OR51B5: variants seen among roughly 807,000 people sequenced by gnomAD.
OR51B5 encodes olfactory receptor family 51 subfamily B member 5, also known as olfactory receptor 51B5.
For synonymous variants in OR51B5, 186 were observed against 144.8 expected (o/e 1.28, Z -2.04); for missense variants, 456 against 374.6 (o/e 1.22, Z -1.79).
intron 1 of OR51B5, among the ~76,000 whole-genome samples, chr11:5,479,239 G>C (rs1281851836): frequency 6.7e-6 from 1 of 148,962 alleles, no homozygotes. Flanking sequence ...TTTCAACCCA[G>C]AATTTCATAT....
upstream of OR51B5, among the ~76,000 whole-genome samples, chr11:5,347,514 C>T (rs544288754): frequency 1.3e-5 from 2 of 151,682 alleles, no homozygotes; most frequent in Admixed American, 1.3e-4. Flanking sequence ...CAGCCAAGCA[C>T]ACCACATCAC....
chr11:5,416,452 A>G (rs1227961841), intron 1 of OR51B5, among the ~76,000 whole-genome samples: 1 of 152,166 alleles, frequency 6.6e-6, no homozygotes, highest in East Asian at 1.9e-4. Context: ...AAAGGAAATA[A>G]AGAGTATTCA....
intron 1 of OR51B5, among the ~76,000 whole-genome samples, chr11:5,366,317 TAAAGA>T (rs1849366819): frequency 6.6e-6 from 1 of 152,084 alleles, no homozygotes; most frequent in African/African-American, 2.4e-5. Context: ...GGTAGCCTGT[TAAAGA>T]AAAGGCTACA....
rs1850387442 is a variant in OR51B5, at chr11:5,423,326, C to G, written n.85-76416G>C. On this transcript the variant is annotated intron_variant and non_coding_transcript_variant, in intron 1 of 4. Coordinates refer to the OR51B5 transcript ENST00000415970. ...CTGAGGTGAGCTAGCAGCAGTGATT[C>G]TATGCAAAAGAGATATGGATCTGAG... The G allele has an allele frequency of 1.0e-5, 7 of 689,014 alleles. No individual in the cohort carries two copies. In the South Asian group the frequency reaches 1.6e-4, roughly 16 times the overall value. The allele number at this position is 689,014 out of a possible 1,614,324, so 42.7% of individuals were successfully genotyped here. A position where few individuals can be genotyped will look rare whatever the true frequency, so the allele number is the denominator to read the frequency against.
At position 5,367,982 on chromosome 11, in the gene OR51B5, C is replaced by G. The variant is rs376190352; in HGVS notation, n.85-21072G>C. ...GAATCAGACATTCTTCAAAGTTTCA[C>G]TTCTACCAGAGTAGAGCTACTTCTC... On this transcript the variant is annotated intron_variant and non_coding_transcript_variant, in intron 1 of 4. Transcript: ENST00000415970. Among the ~76,000 whole-genome samples, 23 of 152,328 alleles carry G rather than the reference C, an allele frequency of 1.5e-4. 1 individual carries two copies. In the South Asian group the frequency reaches 3.1e-3, roughly 21 times the overall value.
chr11:5,412,722 G>A (rs10838062), intron 1 of OR51B5, among the ~76,000 whole-genome samples: 124,723 of 151,808 alleles, frequency 0.82, 52,070 homozygotes, highest in Non-Finnish European at 0.89. Flanking sequence ...ACTGCAAGGC[G>A]GCAGCCAGGC....
intron 1 of OR51B5, among the ~76,000 whole-genome samples, chr11:5,465,448 A>C (rs1342854475): frequency 1.3e-5 from 2 of 152,016 alleles, no homozygotes; most frequent in East Asian, 1.9e-4. Flanking sequence ...ACAGAATTGG[A>C]AAAAACTACT....
At chr11:5,412,462 T>G (rs962259950) in intron 1 of OR51B5, among the ~76,000 whole-genome samples, 4 of 152,168 alleles carry the variant, frequency 2.6e-5, no homozygotes, top group Admixed American at 6.5e-5. Flanking sequence ...TGCAGCGTAC[T>G]GTGCGCCAGC....
intron 1 of OR51B5, among the ~76,000 whole-genome samples, chr11:5,486,529 C>T (rs1851501897): frequency 6.6e-6 from 1 of 152,124 alleles, no homozygotes; most frequent in African/African-American, 2.4e-5. Flanking sequence ...TCTCTGGAAA[C>T]TTCTTGACTC....
rs191406549 is a variant in OR51B5 at position 5,350,921 on chromosome 11, T to C, written n.85-4011A>G. Among the ~76,000 whole-genome samples the C allele has an allele frequency of 1.0e-3, 152 of 152,326 alleles. 2 individuals are homozygous for C. The highest frequency in any genetic ancestry group is 3.1e-3 in the African/African-American group (130 of 41,582). ...CAATTGAATTTTCCCTCCAGGAATA[T>C]TGAAGAAAAGTCAATCTCTGAAATT... On this transcript the variant is annotated intron_variant and non_coding_transcript_variant, in intron 1 of 4. Coordinates refer to the OR51B5 transcript ENST00000415970.
intron 1 of OR51B5, among the ~76,000 whole-genome samples, chr11:5,473,918 G>C (rs182740814): frequency 4.0e-5 from 6 of 151,892 alleles, no homozygotes; most frequent in South Asian, 4.2e-4. Flanking sequence ...GTGTGCACGG[G>C]AAAGTACCTG....
intron 1 of OR51B5, among the ~76,000 whole-genome samples, chr11:5,463,888 G>C (rs927730247): frequency 3.3e-5 from 5 of 152,120 alleles, no homozygotes; most frequent in African/African-American, 1.2e-4. Flanking sequence ...TTCTCACAAA[G>C]CCTCACCATG....
intron 1 of OR51B5, among the ~76,000 whole-genome samples, chr11:5,432,277 G>T (rs1207183216): frequency 6.6e-6 from 1 of 152,070 alleles, no homozygotes; most frequent in African/African-American, 2.4e-5. Context: ...CAATATTTCA[G>T]ACTGCTCAAT....
intron 1 of OR51B5, among the ~76,000 whole-genome samples, chr11:5,469,954 T>C (rs1212515634): frequency 6.6e-6 from 1 of 152,194 alleles, no homozygotes; most frequent in East Asian, 1.9e-4. Flanking sequence ...TGCCTTTTCC[T>C]TGTGGCTTGA....
chr11:5,474,972 T>C (rs913037893), intron 1 of OR51B5, among the ~76,000 whole-genome samples: 7 of 152,202 alleles, frequency 4.6e-5, no homozygotes, highest in Admixed American at 1.3e-4. Context: ...AAAGATAAAC[T>C]AGAAATGGCC....
chr11:5,447,343 T>A (rs1240633661), intron 1 of OR51B5, among the ~76,000 whole-genome samples: 2 of 152,148 alleles, frequency 1.3e-5, no homozygotes, highest in Non-Finnish European at 2.9e-5. Context: ...GTCTCTAGTG[T>A]GAGCTGCATC....
chr11:5,493,032 A>T (rs1590028491), intron 1 of OR51B5, among the ~76,000 whole-genome samples: 1 of 152,190 alleles, frequency 6.6e-6, no homozygotes, highest in East Asian at 1.9e-4. Context: ...CCGTTGAAAA[A>T]TCCTACCGTT....
chr11:5,450,032 T>C (rs1254057938), intron 1 of OR51B5, among the ~76,000 whole-genome samples: 5 of 152,158 alleles, frequency 3.3e-5, no homozygotes, highest in Admixed American at 6.5e-5. Flanking sequence ...CTTTGCTTGA[T>C]TAAAAAGTAA....
intron 1 of OR51B5, among the ~76,000 whole-genome samples, chr11:5,466,892 T>C (rs1851146175): frequency 6.6e-6 from 1 of 152,260 alleles, no homozygotes. Context: ...TGGGAAGCTG[T>C]ATTTAGCTGT....
Sources: allele counts gnomAD v4.1 joint callset (sites outside exome capture counted in the v4.1 genomes callset), GRCh38; gene constraint gnomAD v4.1.1; transcripts MANE v1.5; gene names NCBI Gene and HGNC (gene_info 2026-07-23, HGNC 2026-07-21).